The following GRM1 variants were observed in gnomAD, a reference collection of about 807,000 sequenced individuals.
GRM1 encodes the protein glutamate metabotropic receptor 1, also known as metabotropic glutamate receptor 1.
In GRM1, 33 loss-of-function variants were observed where a neutral mutation model predicts 90.9. The observed-to-expected ratio is 0.36, with a 90% confidence interval of 0.28 to 0.49. The LOEUF is 0.49. Ranked by LOEUF, GRM1 falls within the 20% of genes least tolerant of loss-of-function variation. The pLI, the probability that GRM1 is intolerant of heterozygous loss-of-function variation, is 0.99. For missense variants in GRM1, 1,190 were observed against 1,534.3 expected, an observed-to-expected ratio of 0.78 and a Z score of 3.75; for synonymous variants, 700 against 613.2, an observed-to-expected ratio of 1.14 and a Z score of -2.09.
chr6:146,345,701 T>C (rs928564080), intron 3 of GRM1, among the ~76,000 whole-genome samples: 10 of 151,730 alleles, frequency 6.6e-5, no homozygotes, highest in Admixed American at 3.3e-4. Context: ...GAGGTGGTGC[T>C]ATGAGCATAG....
Position 146,430,504 on chromosome 6 carries a change from C to G in GRM1, c.2661-3368C>G, listed in dbSNP as rs141619247. Among the ~76,000 whole-genome samples the G allele has an allele frequency of 1.1e-4, 17 of 152,212 alleles. No homozygotes were observed. In the East Asian group the frequency reaches 3.3e-3, roughly 29 times the overall value. On this transcript the variant is annotated intron_variant, in intron 7 of 7. Transcript: ENST00000282753. ...TAACAATTATGTGGTGTTTTCTAAA[C>G]CAGATTGCTTTTCCTAAGATTAGGA...
At chr6:146,181,590 T>C (rs961803539) in intron 2 of GRM1, among the ~76,000 whole-genome samples, 5 of 152,190 alleles carry the variant, frequency 3.3e-5, no homozygotes, top group African/African-American at 1.2e-4. Flanking sequence ...TTTTGTTGAA[T>C]GACTTCAGAA....
rs770907968 is a variant in GRM1, at chr6:146,434,462, C to T, written c.3251C>T (p.Thr1084Ile). The part of the protein sequence containing the change: ...HLQMLPLQLS[T>I]FGEELVSPPA... ...CAGATGCTGCCGCTGCAGCTGAGCA[C>T]CTTTGGGGAGGAGCTGGTCTCCCCG... Residue 1084 changes from threonine (T) to isoleucine (I), a missense_variant, in exon 8 of 8, where the codon ACC becomes ATC. Coordinates refer to ENST00000282753, the MANE Select transcript of GRM1 (RefSeq NM_001278064.2). 3.1e-6 allele frequency: 5 copies of T among 1,613,990 alleles called. No individual in the cohort carries two copies. The highest frequency in any genetic ancestry group is 2.2e-5 in the East Asian group (1 of 44,842).
chr6:146,372,501 C>T (rs1221404668), intron 5 of GRM1, among the ~76,000 whole-genome samples: 1 of 151,984 alleles, frequency 6.6e-6, no homozygotes, highest in Non-Finnish European at 1.5e-5. Context: ...GCTTTGGATG[C>T]CTATGCTTGT....
intron 2 of GRM1, among the ~76,000 whole-genome samples, chr6:146,273,597 G>A (rs191747199): frequency 1.1e-3 from 165 of 152,310 alleles, no homozygotes; most frequent in Non-Finnish European, 2.2e-3. Flanking sequence ...TCTAAGTGAT[G>A]CCTAGGGCTT....
At chr6:146,312,982 G>A (rs1016574953) in intron 3 of GRM1, among the ~76,000 whole-genome samples, 1 of 152,168 alleles carries the variant, frequency 6.6e-6, no homozygotes, top group African/African-American at 2.4e-5. Flanking sequence ...ACATGCACAT[G>A]TTCTGTCATC....
At chr6:146,267,697 G>GT (rs1781962434) in intron 2 of GRM1, among the ~76,000 whole-genome samples, 13 of 110,544 alleles carry the variant, frequency 1.2e-4, no homozygotes, top group African/African-American at 5.2e-4. Context: ...GCTCGGCTCG[G>GT]CTCGGCTCGT....
At chr6:146,255,084 GA>G (rs1263037312) in intron 2 of GRM1, among the ~76,000 whole-genome samples, 12 of 152,188 alleles carry the variant, frequency 7.9e-5, no homozygotes, top group Non-Finnish European at 8.8e-5. Flanking sequence ...CCGCCTTCTT[GA>G]AATATCATAG....
At chr6:146,209,704 A>C (rs1779617056) in intron 2 of GRM1, among the ~76,000 whole-genome samples, 1 of 152,198 alleles carries the variant, frequency 6.6e-6, no homozygotes, top group Non-Finnish European at 1.5e-5. Context: ...ATGTGATATC[A>C]ATTAATTAGG....
intron 1 of GRM1, among the ~76,000 whole-genome samples, chr6:146,118,396 C>A (rs1775847255): frequency 6.6e-6 from 1 of 152,114 alleles, no homozygotes; most frequent in Admixed American, 6.5e-5. Flanking sequence ...GCCTCGGCCT[C>A]CCAAAGTACT....
At chr6:146,371,223 G>C (rs904060179) in intron 5 of GRM1, among the ~76,000 whole-genome samples, 3 of 152,092 alleles carry the variant, frequency 2.0e-5, no homozygotes, top group Non-Finnish European at 4.4e-5. Context: ...TGTTGCCCAA[G>C]CTCTCAAAGA....
intron 1 of GRM1, among the ~76,000 whole-genome samples, chr6:146,144,156 G>A (rs1777002048): frequency 6.6e-6 from 1 of 152,098 alleles, no homozygotes; most frequent in Non-Finnish European, 1.5e-5. Context: ...TTGCAGATGG[G>A]TACCACTTGC....
chr6:146,035,882 C>T, intron 1 of GRM1, among the ~76,000 whole-genome samples: 1 of 151,780 alleles, frequency 6.6e-6, no homozygotes, highest in East Asian at 1.9e-4. Context: ...AGAGTGAAAT[C>T]CAAAGACGAA....
chr6:146,096,967 T>C (rs1776895729), intron 1 of GRM1, among the ~76,000 whole-genome samples: 1 of 152,160 alleles, frequency 6.6e-6, no homozygotes, highest in African/African-American at 2.4e-5. Context: ...AAAAATTTTA[T>C]GTTCTACTAT....
intron 2 of GRM1, among the ~76,000 whole-genome samples, chr6:146,238,420 G>A (rs1394624778): frequency 6.6e-6 from 1 of 152,144 alleles, no homozygotes; most frequent in Non-Finnish European, 1.5e-5. Flanking sequence ...TACACCAGTA[G>A]GTAGTAGAGG....
At chr6:146,374,597 A>G (rs1049770090) in intron 5 of GRM1, among the ~76,000 whole-genome samples, 1 of 152,112 alleles carries the variant, frequency 6.6e-6, no homozygotes, top group Admixed American at 6.6e-5. Flanking sequence ...CAATCTTGGT[A>G]GGTTGTGTGT....
At chr6:146,230,605 C>A (rs569923314) in intron 2 of GRM1, among the ~76,000 whole-genome samples, 1 of 152,220 alleles carries the variant, frequency 6.6e-6, no homozygotes, top group African/African-American at 2.4e-5. Context: ...GACAATTTGG[C>A]AGTTTTTTAC....
At chr6:146,332,134 G>C (rs1290368331) in intron 3 of GRM1, among the ~76,000 whole-genome samples, 1 of 152,154 alleles carries the variant, frequency 6.6e-6, no homozygotes, top group Non-Finnish European at 1.5e-5. Flanking sequence ...TTTATAGTTG[G>C]CTGGGAGCTA....
At chr6:146,194,138 TAAC>T (rs1487918254) in intron 2 of GRM1, among the ~76,000 whole-genome samples, 7 of 152,304 alleles carry the variant, frequency 4.6e-5, no homozygotes, top group Non-Finnish European at 7.3e-5. Context: ...ACTAATAGTT[TAAC>T]AACATTTTCA....
Sources: allele counts gnomAD v4.1 joint callset (sites outside exome capture counted in the v4.1 genomes callset), GRCh38; gene constraint gnomAD v4.1.1; transcripts MANE v1.5; gene names NCBI Gene and HGNC (gene_info 2026-07-23, HGNC 2026-07-21).